Variants in PTK2 observed in about 807,000 individuals in gnomAD.
The protein encoded by PTK2 is focal adhesion kinase 1.
Under a neutral mutation model 150.1 loss-of-function variants are expected in PTK2, and 45 were observed. The ratio of observed to expected loss-of-function variants is 0.30; its 90% confidence interval spans 0.24 to 0.38. PTK2 has a LOEUF of 0.38. Ranked by LOEUF, PTK2 falls within the 10% of genes least tolerant of loss-of-function variation. PTK2 has a pLI of 1.00. For synonymous variants in PTK2, 432 were observed against 449.2 expected, an observed-to-expected ratio of 0.96 and a Z score of 0.48; for missense variants, 919 against 1,307.3, an observed-to-expected ratio of 0.70 and a Z score of 4.58.
At chr8:140,929,510 T>C (rs1299248434) in intron 1 of PTK2, among the ~76,000 whole-genome samples, 1 of 152,086 alleles carries the variant, frequency 6.6e-6, no homozygotes, top group Non-Finnish European at 1.5e-5. Context: ...TTAAAATGTG[T>C]CCCCCTAATA....
chr8:140,800,554 G>C, exon 12 of PTK2: 1 of 1,613,776 alleles, frequency 6.2e-7, no homozygotes, highest in Non-Finnish European at 8.5e-7. Flanking sequence ...AATGGTTAGG[G>C]ATGGTGCCGT....
At chr8:141,000,046 C>T (rs2100199395) in intron 1 of PTK2, among the ~76,000 whole-genome samples, 1 of 147,242 alleles carries the variant, frequency 6.8e-6, no homozygotes, top group Non-Finnish European at 1.5e-5. Flanking sequence ...TTTACCCTCA[C>T]TGAATTTAGC....
intron 17 of PTK2, chr8:140,750,339 AC>A (rs2100061950): frequency 6.6e-6 from 1 of 152,232 alleles, no homozygotes; most frequent in Admixed American, 6.5e-5. Flanking sequence ...GGTGTCAAGT[AC>A]TGTGCAGGAC....
intron 1 of PTK2, among the ~76,000 whole-genome samples, chr8:140,989,343 A>G (rs1013066142): frequency 7.3e-5 from 11 of 151,610 alleles, no homozygotes; most frequent in Admixed American, 7.2e-4. Context: ...GCAGCGAGCT[A>G]TGACTGCACC....
intron 22 of PTK2, chr8:140,732,786 G>C (rs533795688): frequency 4.0e-6 from 1 of 247,002 alleles, no homozygotes; most frequent in African/African-American, 2.4e-5. Context: ...CTGACAAGAA[G>C]AACAAAGAGC....
At chr8:140,851,081 G>T (rs1032818410) in intron 5 of PTK2, among the ~76,000 whole-genome samples, 3 of 152,136 alleles carry the variant, frequency 2.0e-5, no homozygotes, top group Non-Finnish European at 2.9e-5. Context: ...AACTGACTAG[G>T]TTTACTTACT....
chr8:140,770,690 A>C, intron 14 of PTK2, 26 bp downstream of exon 15: 1 of 1,217,396 alleles, frequency 8.2e-7, no homozygotes, highest in South Asian at 1.3e-5. Flanking sequence ...TTAATAGGAG[A>C]GCCTGTGCAA....
intron 1 of PTK2, among the ~76,000 whole-genome samples, chr8:140,997,102 AT>A (rs1451636134): frequency 6.6e-6 from 1 of 152,236 alleles, no homozygotes; most frequent in Non-Finnish European, 1.5e-5. Context: ...ACTCTGAGGG[AT>A]TCACGACTTC....
intron 1 of PTK2, among the ~76,000 whole-genome samples, chr8:140,963,876 T>C (rs924418691): frequency 1.3e-5 from 2 of 151,842 alleles, no homozygotes; most frequent in Admixed American, 1.3e-4. Context: ...GGTTAGGGGG[T>C]TAAGAGGGAG....
At position 140,972,037 on chromosome 8, in the gene PTK2, C is replaced by A. The variant is rs147131883; in HGVS notation, c.-122+29088G>T. On this transcript the variant is annotated intron_variant, in intron 1 of 31. Transcript: ENST00000522684. Reference sequence around the variant, plus strand: ...AACTGCTATCAGTATTTCGATGTATCCTGTCAGGATTAAGACATTTTTCAA... The same window carrying A: ...AACTGCTATCAGTATTTCGATGTATACTGTCAGGATTAAGACATTTTTCAA... 5.9e-3 allele frequency among the ~76,000 whole-genome samples: 902 copies of A among 152,222 alleles called. 9 individuals carry two copies. Among genetic ancestry groups the A allele is most frequent in the African/African-American group, 0.021 (859 of 41,548 alleles).
chr8:140,662,782 A>G (rs1356008424), intron 31 of PTK2: 1 of 540,354 alleles, frequency 1.9e-6, no homozygotes, highest in Non-Finnish European at 3.5e-6. Flanking sequence ...TTTATGTTGT[A>G]TTCCTGACTG....
At chr8:140,779,246 A>AAAAAAAAAAAAAAG (rs1301391757) in intron 14 of PTK2, among the ~76,000 whole-genome samples, 2 of 96,870 alleles carry the variant, frequency 2.1e-5, no homozygotes, top group Admixed American at 1.1e-4. Flanking sequence ...TGGGCGATGG[A>AAAAAAAAAAAAAAG]AAAAAAAAAA....
intron 14 of PTK2, among the ~76,000 whole-genome samples, chr8:140,766,362 C>G (rs1295045683): frequency 6.6e-6 from 1 of 152,136 alleles, no homozygotes; most frequent in East Asian, 1.9e-4. Context: ...TACCATGCAC[C>G]AAAGCTTATG....
intron 14 of PTK2, among the ~76,000 whole-genome samples, chr8:140,779,640 G>A (rs2100080537): frequency 6.6e-6 from 1 of 152,090 alleles, no homozygotes; most frequent in South Asian, 2.1e-4. Context: ...TTTAGAAGTT[G>A]GGGGAAACTG....
At chr8:140,937,597 A>C (rs1004990094) in intron 1 of PTK2, among the ~76,000 whole-genome samples, 2 of 151,816 alleles carry the variant, frequency 1.3e-5, no homozygotes, top group Admixed American at 6.6e-5. Context: ...AAAAAAAAAA[A>C]AACACAAAAA....
At chr8:140,765,094 C>T (rs1016255586) in intron 14 of PTK2, 2 of 152,144 alleles carry the variant, frequency 1.3e-5, no homozygotes, top group African/African-American at 2.4e-5. Context: ...TCACTTCAGC[C>T]TTGTCTTTTT....
intron 4 of PTK2, among the ~76,000 whole-genome samples, chr8:140,865,670 C>G (rs1036965033): frequency 2.0e-5 from 3 of 152,146 alleles, no homozygotes; most frequent in African/African-American, 4.8e-5. Flanking sequence ...TACTCTCAGA[C>G]AGAGTTCAAT....
intron 5 of PTK2, among the ~76,000 whole-genome samples, chr8:140,860,715 C>T (rs1299093669): frequency 1.3e-5 from 2 of 152,188 alleles, no homozygotes; most frequent in Non-Finnish European, 2.9e-5. Context: ...CTCAGGTGAT[C>T]CACCCGCCTC....
intron 13 of PTK2, among the ~76,000 whole-genome samples, chr8:140,790,756 A>G (rs1018394991): frequency 6.6e-6 from 1 of 152,254 alleles, no homozygotes; most frequent in African/African-American, 2.4e-5. Flanking sequence ...TATCTTTAGT[A>G]TAAAAATTTA....
Sources: allele counts gnomAD v4.1 joint callset (sites outside exome capture counted in the v4.1 genomes callset), GRCh38; gene constraint gnomAD v4.1.1; transcripts MANE v1.5; gene names NCBI Gene and HGNC (gene_info 2026-07-23, HGNC 2026-07-21).